The following UTP20 variants were observed in gnomAD, a reference collection of about 807,000 sequenced individuals.
UTP20 encodes UTP20 small subunit processome component.
UTP20 carries 164 observed loss-of-function variants against 329.5 expected under a neutral mutation model. The observed-to-expected ratio is 0.50, with a 90% CI of 0.44 to 0.57. The LOEUF is 0.57. Among genes scored for constraint, UTP20 ranks in the 20% least tolerant of loss-of-function variants. UTP20 has a pLI of 0.00. For synonymous variants in UTP20, 1,151 were observed against 1,159.3 expected (o/e 0.99, Z 0.14); for missense variants, 3,055 against 3,284.2 (o/e 0.93, Z 1.71).
intron 2 of UTP20, among the ~76,000 whole-genome samples, chr12:101,283,186 G>A (rs964259649): frequency 6.6e-4 from 100 of 152,168 alleles, no homozygotes; most frequent in African/African-American, 2.3e-3. Context: ...GAGGTTGAAG[G>A]TATCAAGAGG....
At chr12:101,293,444 C>G (rs1355755980) in intron 11 of UTP20, among the ~76,000 whole-genome samples, 199 bp downstream of exon 11, 4 of 151,982 alleles carry the variant, frequency 2.6e-5, no homozygotes, top group Non-Finnish European at 5.9e-5. Flanking sequence ...TAGGTAGTTA[C>G]AGAACCGTGT....
intron 12 of UTP20, among the ~76,000 whole-genome samples, chr12:101,296,388 G>A (rs1387009276): frequency 1.3e-5 from 2 of 152,108 alleles, no homozygotes; most frequent in East Asian, 1.9e-4. Context: ...TGGCTAACAC[G>A]GTGAAACCCT....
intron 10 of UTP20, among the ~76,000 whole-genome samples, chr12:101,292,640 A>C (rs1872200503): frequency 6.6e-6 from 1 of 152,228 alleles, no homozygotes; most frequent in African/African-American, 2.4e-5. Flanking sequence ...GGTTAAAAAT[A>C]CTAAGAGAGG....
intron 4 of UTP20, among the ~76,000 whole-genome samples, chr12:101,286,099 C>T (rs1282619378): frequency 6.6e-6 from 1 of 152,146 alleles, no homozygotes; most frequent in Non-Finnish European, 1.5e-5. Flanking sequence ...TTTTCTTTGA[C>T]ACTATAGGAA....
intron 59 of UTP20, 48 bp downstream of exon 59, chr12:101,383,361 A>C: frequency 6.4e-7 from 1 of 1,564,402 alleles, no homozygotes; most frequent in Non-Finnish European, 8.7e-7. Context: ...TCTCTTTAAA[A>C]AGTATTTTAA....
At chr12:101,366,821 A>G (rs1296545044) in intron 47 of UTP20, 122 bp downstream of exon 47, 4 of 1,060,586 alleles carry the variant, frequency 3.8e-6, no homozygotes, top group Non-Finnish European at 5.1e-6. Flanking sequence ...TACATTTTAG[A>G]TTTTTTTTTT....
intron 44 of UTP20, among the ~76,000 whole-genome samples, chr12:101,362,762 A>G (rs1171555882): frequency 7.5e-6 from 1 of 133,126 alleles, no homozygotes; most frequent in Non-Finnish European, 1.5e-5. Flanking sequence ...ACCATTGTGA[A>G]GATAATAAAT....
Position 101,327,081 on chromosome 12 carries a change from A to G in UTP20, c.3042A>G (p.Arg1014=). The G allele has an allele frequency of 2.5e-6, 4 of 1,590,678 alleles. No individual in the cohort carries two copies. The highest frequency in any genetic ancestry group is 3.4e-6 in the Non-Finnish European group (4 of 1,162,118). The change falls in exon 26 of 62, where the codon AGA becomes AGG. Residue 1014 remains arginine (R), a splice_region_variant and synonymous_variant. Coordinates refer to ENST00000261637, the MANE Select transcript of UTP20 (RefSeq NM_014503.3). ...AAATAATGTGCTTTTGCCTTTTCAG[A>G]ATTTTGTATGGGCGAATGAAGAATA... ...HRADLFPILM[R]ILYGRMKNKT...
chr12:101,371,212 C>T, intron 51 of UTP20, 44 bp downstream of exon 51: 1 of 1,420,628 alleles, frequency 7.0e-7, no homozygotes, highest in Non-Finnish European at 9.6e-7. Flanking sequence ...CTGGGCCCTG[C>T]CGCATCTTTG....
intron 58 of UTP20, 27 bp from the exon 59 acceptor site, chr12:101,383,014 C>A: frequency 6.4e-7 from 1 of 1,569,880 alleles, no homozygotes. Context: ...TGTCCAATTT[C>A]TTCCCCCACC....
In UTP20 at chr12:101,311,706, T is replaced by C. The variant is rs1872795923; in HGVS notation, c.2232-13T>C. The C allele has an allele frequency of 6.3e-7, 1 of 1,598,158 alleles. No homozygotes were observed. The highest frequency in any genetic ancestry group is 1.4e-5 in the African/African-American group (1 of 73,784). On this transcript the variant is annotated splice_polypyrimidine_tract_variant and intron_variant, in intron 19 of 61. Transcript: ENST00000261637. Reference sequence around the variant, plus strand: ...ACCACACTTTTTATTTTGTGATTTTTTTTTTCCCTTAGTTCTCATGCACAC... The same window carrying C: ...ACCACACTTTTTATTTTGTGATTTTCTTTTTCCCTTAGTTCTCATGCACAC...
intron 20 of UTP20, 110 bp downstream of exon 20, chr12:101,311,908 AT>A: frequency 6.4e-7 from 1 of 1,552,754 alleles, no homozygotes; most frequent in Middle Eastern, 1.7e-4. Flanking sequence ...AACATATATT[AT>A]CATGATAACT....
intron 20 of UTP20, 58 bp downstream of exon 20, chr12:101,311,856 T>C: frequency 6.4e-7 from 1 of 1,573,356 alleles, no homozygotes; most frequent in Non-Finnish European, 8.6e-7. Context: ...ACTGTTTTGT[T>C]TTTATTGCTT....
intron 43 of UTP20, 27 bp from the exon 44 acceptor site, chr12:101,361,935 A>T: frequency 6.4e-7 from 1 of 1,556,902 alleles, no homozygotes. Flanking sequence ...GTTAATATTC[A>T]TGTTGTTGCT....
chr12:101,329,415 C>T lies in UTP20; in HGVS notation c.3383C>T (p.Ala1128Val), dbSNP rs1388225206. Reference sequence around the variant, plus strand: ...TTGCAGATACTGCTCTGTATGACAGCAACCGTATCACACATCCTTGACCAA... The same window carrying T: ...TTGCAGATACTGCTCTGTATGACAGTAACCGTATCACACATCCTTGACCAA... Reference protein sequence around the residue: ...KILQILLCMTATVSHILDQRE... With the variant: ...KILQILLCMTVTVSHILDQRE... The change falls in exon 27 of 62, where the codon GCA becomes GTA. Residue 1128 changes from alanine (A) to valine (V), a missense_variant. Ala to Val is a moderately conservative substitution (Grantham distance 64, BLOSUM62 0). Around this residue, in one of 3 missense-constraint regions of UTP20, gnomAD observed 2,445 missense variants for 2,575.5 expected, o/e 0.95. Transcript: ENST00000261637. The T allele has an allele frequency of 6.2e-7, 1 of 1,613,794 alleles. No individual in the cohort carries two copies. Among genetic ancestry groups the T allele is most frequent in the Admixed American group, 1.7e-5 (1 of 60,024 alleles).
chr12:101,365,276 G>A (rs976654338), intron 45 of UTP20, among the ~76,000 whole-genome samples, 183 bp from the exon 46 acceptor site: 7 of 152,098 alleles, frequency 4.6e-5, no homozygotes, highest in Admixed American at 3.3e-4. Flanking sequence ...CTGGGATTGA[G>A]ATTATAGTTA....
In UTP20 at chr12:101,357,037, A is replaced by G. The variant is rs771424184; in HGVS notation, c.5646A>G (p.Leu1882=). Residue 1882 remains leucine, a synonymous_variant, in exon 43 of 62, where the codon CTA becomes CTG. Coordinates refer to ENST00000261637, the MANE Select transcript of UTP20 (RefSeq NM_014503.3). ...IIEDLGVHFL[L]YVLKELQTTL... ...AGGATCTTGGTGTGCACTTCCTCCT[A>G]TATGTTTTAAAAGAATTACAGACTA... is the stretch of plus-strand genomic sequence containing the variant. 21 of 1,613,566 alleles carry G rather than the reference A, an allele frequency of 1.3e-5. No individual in the cohort carries two copies. The highest frequency in any genetic ancestry group is 1.8e-5 in the Non-Finnish European group (21 of 1,179,840).
chr12:101,363,703 G>A lies in UTP20; in HGVS notation c.5918G>A (p.Gly1973Glu). The A allele has an allele frequency of 1.2e-6, 2 of 1,612,078 alleles. No individual in the cohort carries two copies. Among genetic ancestry groups the A allele is most frequent in the Non-Finnish European group, 1.7e-6 (2 of 1,178,190 alleles). The change falls in exon 45 of 62, where the codon GGA becomes GAA. Residue 1973 changes from glycine (G) to glutamate (E), a missense_variant. Coordinates refer to ENST00000261637, the MANE Select transcript of UTP20 (RefSeq NM_014503.3). ...DSYEILGKFV[G>E]KDQVTKLILP... ...TATGAAATCCTCGGCAAGTTTGTAGGAAAAGATCAGGTTACAAAACTCATC... is the reference window on the plus strand; with the variant it reads ...TATGAAATCCTCGGCAAGTTTGTAGAAAAAGATCAGGTTACAAAACTCATC...
intron 13 of UTP20, 21 bp from the exon 14 acceptor site, chr12:101,299,952 C>T: frequency 6.2e-7 from 1 of 1,612,898 alleles, no homozygotes; most frequent in Non-Finnish European, 8.5e-7. Context: ...GAACTTTTCC[C>T]TTTTTCTCCC....
Sources: gnomAD v4.1 joint callset for allele counts (sites outside exome capture counted in the v4.1 genomes callset) on GRCh38, gnomAD v4.1.1 for gene constraint, gnomAD v4.1.1 regional missense constraint, MANE v1.5 for transcripts, NCBI Gene and HGNC (gene_info 2026-07-23, HGNC 2026-07-21) for gene names.